Variants in CEP162 observed in about 807,000 individuals in gnomAD.
CEP162 encodes centrosomal protein 162.
CEP162 carries 141 observed loss-of-function variants against 169.2 expected under a neutral mutation model. The ratio of observed to expected loss-of-function variants is 0.83; its 90% CI spans 0.73 to 0.96. The LOEUF (loss-of-function observed/expected upper bound fraction) is 0.96. Among genes scored for constraint, CEP162 ranks in the 40% least tolerant of loss-of-function variants. The pLI is 0.00. For missense variants in CEP162, 1,600 were observed against 1,587.2 expected, an observed-to-expected ratio of 1.01 and a Z score of -0.14; for synonymous variants, 540 against 526.4, an observed-to-expected ratio of 1.03 and a Z score of -0.35.
intron 12 of CEP162, among the ~76,000 whole-genome samples, chr6:84,186,007 G>A (rs1365697617): frequency 6.6e-6 from 1 of 151,854 alleles, no homozygotes; most frequent in Non-Finnish European, 1.5e-5. Context: ...ACAAATGACT[G>A]GAAAGACTGA....
chr6:84,181,764 A>G (rs939570373), intron 13 of CEP162, among the ~76,000 whole-genome samples: 2 of 152,106 alleles, frequency 1.3e-5, no homozygotes, highest in African/African-American at 4.8e-5. Context: ...AAAAGCTGAG[A>G]GAAATTAAGG....
chr6:84,205,032 T>G (rs1370619761), intron 6 of CEP162, among the ~76,000 whole-genome samples: 2 of 152,118 alleles, frequency 1.3e-5, no homozygotes, highest in African/African-American at 4.8e-5. Context: ...AGGAAGAAGC[T>G]GAATCCCTGA....
chr6:84,193,462 G>T, intron 11 of CEP162, 147 bp downstream of exon 11: 1 of 462,474 alleles, frequency 2.2e-6, no homozygotes, highest in South Asian at 3.0e-5. Context: ...GATGACTTGA[G>T]TAAGGACAAA....
At chr6:84,147,975 T>G (rs2099519666) in intron 24 of CEP162, among the ~76,000 whole-genome samples, 1 of 152,148 alleles carries the variant, frequency 6.6e-6, no homozygotes, top group Non-Finnish European at 1.5e-5. Flanking sequence ...TTTACAATAT[T>G]ACATTTATAA....
chr6:84,189,633 G>T (rs186107055), intron 11 of CEP162, among the ~76,000 whole-genome samples: 1 of 152,292 alleles, frequency 6.6e-6, no homozygotes, highest in South Asian at 2.1e-4. Context: ...CCTGCAGCCC[G>T]CCATGCCTGA....
rs760221837 is a variant in CEP162, at chr6:84,126,397, CT to C, written c.3985del (p.Arg1329GlufsTer8). ...IKQMEMRHAQ[R>X]EQELQQIIQQ... is the part of the protein sequence containing the mutation. The stretch of plus-strand genomic sequence containing the variant: ...CTTTACCTGTTGAAGTTCCTGTTCT[CT>C]TTGTGCATGTCTCATTTCCATCTGC... On this transcript the variant is annotated frameshift_variant, in exon 26 of 27. Coordinates refer to ENST00000403245, the MANE Select transcript of CEP162 (RefSeq NM_014895.4). LOFTEE classifies it high-confidence loss of function. The C allele has an allele frequency of 6.3e-7, 1 of 1,598,634 alleles. No homozygotes were observed.
intron 25 of CEP162, among the ~76,000 whole-genome samples, chr6:84,141,618 C>T (rs1363159912): frequency 6.6e-6 from 1 of 152,198 alleles, no homozygotes; most frequent in Non-Finnish European, 1.5e-5. Flanking sequence ...CAGCTGCCTA[C>T]TAACTTGCCT....
intron 11 of CEP162, 94 bp downstream of exon 11, chr6:84,193,515 A>T: frequency 1.5e-6 from 1 of 664,880 alleles, no homozygotes; most frequent in Non-Finnish European, 2.6e-6. Context: ...GAGTCAAGCT[A>T]GTATTAGTCA....
intron 11 of CEP162, among the ~76,000 whole-genome samples, chr6:84,188,004 G>GA (rs1218976994): frequency 1.3e-5 from 2 of 149,946 alleles, no homozygotes; most frequent in African/African-American, 4.9e-5. Flanking sequence ...AGAATGCTAT[G>GA]AAAAAGCAAG....
Position 84,174,824 on chromosome 6 carries a change from T to TGTTGTTTCTTTAGTTC in CEP162, c.1927_1928insGAACTAAAGAAACAAC (p.Lys643ArgfsTer13), listed in dbSNP as rs200604601. 20 of 1,601,794 alleles carry TGTTGTTTCTTTAGTTC rather than the reference T, an allele frequency of 1.2e-5. No individual in the cohort carries two copies. Among genetic ancestry groups the TGTTGTTTCTTTAGTTC allele is most frequent in the Middle Eastern group, 1.7e-4 (1 of 6,040 alleles). ...CAACTTATTTTCTAGTTCTTTCTCC[T>TGTTGTTTCTTTAGTTC]TTTCTGAGAATGTGGCTTTAATTTG... On this transcript the variant is annotated frameshift_variant, in exon 15 of 27. Coordinates refer to ENST00000403245, the MANE Select transcript of CEP162 (RefSeq NM_014895.4). LOFTEE classifies it high-confidence loss of function.
At chr6:84,185,475 A>T (rs370449282) in intron 12 of CEP162, 27 bp from the exon 13 acceptor site, 3 of 1,573,840 alleles carry the variant, frequency 1.9e-6, no homozygotes, top group Non-Finnish European at 2.6e-6. Context: ...AAAGCTCTTT[A>T]GTACCTAAAT....
At chr6:84,171,212 A>C (rs1215745402) in intron 17 of CEP162, among the ~76,000 whole-genome samples, 1 of 152,150 alleles carries the variant, frequency 6.6e-6, no homozygotes, top group Non-Finnish European at 1.5e-5. Context: ...ATGGAACCTG[A>C]CCCAAGAAGA....
intron 25 of CEP162, among the ~76,000 whole-genome samples, chr6:84,146,184 C>T (rs2099518795): frequency 6.6e-6 from 1 of 152,138 alleles, no homozygotes; most frequent in African/African-American, 2.4e-5. Context: ...AAGCTACCAA[C>T]TTGGAGAGTT....
rs138862035 is a variant in CEP162, at chr6:84,198,370, C to T, written c.835+2419G>A. 6.5e-3 allele frequency among the ~76,000 whole-genome samples: 989 copies of T among 152,162 alleles called. 7 individuals are homozygous for T. The highest frequency in any genetic ancestry group is 0.023 in the African/African-American group (940 of 41,504). Reference sequence around the variant, plus strand: ...TTGGCTCACTGCAACCTCCGCCTCCCAGGTTCAAGCGATTCTCCTGCCTCA... The same window carrying T: ...TTGGCTCACTGCAACCTCCGCCTCCTAGGTTCAAGCGATTCTCCTGCCTCA... On this transcript the variant is annotated intron_variant, in intron 9 of 26. Coordinates refer to ENST00000403245, the MANE Select transcript of CEP162 (RefSeq NM_014895.4).
At chr6:84,225,902 G>A (rs1315943955) in intron 2 of CEP162, among the ~76,000 whole-genome samples, 1 of 152,124 alleles carries the variant, frequency 6.6e-6, no homozygotes, top group Non-Finnish European at 1.5e-5. Flanking sequence ...AGCTCCTAAG[G>A]TGAAATGAGC....
At chr6:84,182,683 A>G (rs1474560815) in intron 13 of CEP162, among the ~76,000 whole-genome samples, 1 of 152,140 alleles carries the variant, frequency 6.6e-6, no homozygotes, top group Non-Finnish European at 1.5e-5. Context: ...GTCCGGAGGC[A>G]GAGTAGCCAT....
At position 84,152,604 on chromosome 6, in the gene CEP162, C is replaced by G. The variant is rs1326257748; in HGVS notation, c.3570G>C (p.Lys1190Asn). 6.4e-7 allele frequency: 1 copy of G among 1,557,960 alleles called. No homozygotes were observed. Among genetic ancestry groups the G allele is most frequent in the Admixed American group, 2.0e-5 (1 of 51,272 alleles). The change falls in exon 23 of 27, where the codon AAG becomes AAC. Residue 1190 changes from lysine to asparagine, a missense_variant. Lys to Asn is a moderately conservative substitution (Grantham distance 94). Transcript: ENST00000403245. ...KNELEGLISE[K>N]NELKMKSEAV... ...CTTCAGATTTCATCTTCAGTTCATT[C>G]TTCTCTGAAATTAATCCTTCTAGCT...
At chr6:84,146,198 A>C (rs560961713) in intron 25 of CEP162, among the ~76,000 whole-genome samples, 14 of 152,088 alleles carry the variant, frequency 9.2e-5, no homozygotes, top group African/African-American at 3.4e-4. Flanking sequence ...GAGAGTTCTA[A>C]GCCACCATTT....
chr6:84,212,112 A>T (rs764280027), intron 6 of CEP162, among the ~76,000 whole-genome samples: 35 of 152,160 alleles, frequency 2.3e-4, no homozygotes, highest in Non-Finnish European at 4.6e-4. Context: ...GTATATTTTC[A>T]GACAAACAAA....
Sources: allele counts gnomAD v4.1 joint callset (sites outside exome capture counted in the v4.1 genomes callset), GRCh38; gene constraint gnomAD v4.1.1; transcripts MANE v1.5; gene names NCBI Gene and HGNC (gene_info 2026-07-23, HGNC 2026-07-21).